The following DLGAP1 variants were observed in gnomAD, a reference collection of about 807,000 sequenced individuals.
DLGAP1 encodes DLG associated protein 1.
In DLGAP1, 11 loss-of-function variants were observed where a neutral mutation model predicts 90.8. The ratio of observed to expected loss-of-function variants is 0.12; its 90% CI spans 0.08 to 0.20. The LOEUF is 0.20. DLGAP1 is among the 10% of genes least tolerant of loss of function. The pLI, the probability that DLGAP1 is intolerant of heterozygous loss-of-function variation, is 1.00. For synonymous variants in DLGAP1, 558 were observed against 540.7 expected (o/e 1.03, Z -0.44); for missense variants, 1,050 against 1,333.8 (o/e 0.79, Z 3.31).
At chr18:4,124,207 T>G (rs2076197543) in intron 2 of DLGAP1, among the ~76,000 whole-genome samples, 1 of 152,184 alleles carries the variant, frequency 6.6e-6, no homozygotes, top group Non-Finnish European at 1.5e-5. Context: ...GAAAAACTTG[T>G]AATATGCTTT....
chr18:4,220,222 C>T (rs917883962), intron 1 of DLGAP1, among the ~76,000 whole-genome samples: 2 of 152,040 alleles, frequency 1.3e-5, no homozygotes, highest in Admixed American at 6.6e-5. Context: ...ATTTTGTATG[C>T]TGTTTTGAAT....
intron 9 of DLGAP1, 49 bp from the exon 10 acceptor site, chr18:3,534,664 T>G (rs1285370763): frequency 8.3e-7 from 1 of 1,207,362 alleles, no homozygotes; most frequent in African/African-American, 1.7e-5. Flanking sequence ...TTTCTTTCTT[T>G]CCTTCCTTCC....
At chr18:4,341,521 A>G (rs1214611482) in intron 1 of DLGAP1, among the ~76,000 whole-genome samples, 2 of 152,142 alleles carry the variant, frequency 1.3e-5, no homozygotes, top group African/African-American at 2.4e-5. Flanking sequence ...AATTTCCTCC[A>G]GAACAGTGGA....
chr18:3,828,179 A>T (rs558347360), intron 4 of DLGAP1, among the ~76,000 whole-genome samples: 1 of 152,230 alleles, frequency 6.6e-6, no homozygotes, highest in Admixed American at 6.5e-5. Context: ...CAAGAGTCAG[A>T]CAAAACACCA....
chr18:3,570,060 T>C (rs1452254295), intron 8 of DLGAP1, among the ~76,000 whole-genome samples: 2 of 152,016 alleles, frequency 1.3e-5, no homozygotes, highest in Non-Finnish European at 2.9e-5. Flanking sequence ...TACAGGTTTA[T>C]AGCCTAGGAG....
chr18:3,577,426 T>C (rs918705123), intron 8 of DLGAP1, among the ~76,000 whole-genome samples: 9 of 152,234 alleles, frequency 5.9e-5, no homozygotes. Flanking sequence ...GATGAGATTT[T>C]AACCAATTCC....
At chr18:3,784,693 CCA>C (rs907941519) in intron 5 of DLGAP1, among the ~76,000 whole-genome samples, 3 of 152,176 alleles carry the variant, frequency 2.0e-5, no homozygotes, top group African/African-American at 7.2e-5. Flanking sequence ...CGTTCCAGGC[CCA>C]GTCTGGATCC....
At chr18:3,566,117 CTAT>C (rs1480018922) in intron 9 of DLGAP1, among the ~76,000 whole-genome samples, 1 of 149,710 alleles carries the variant, frequency 6.7e-6, no homozygotes, top group East Asian at 1.9e-4. Flanking sequence ...CAAAAGCATG[CTAT>C]TATTGGTTAT....
rs116521112 is a variant in DLGAP1, at chr18:3,500,589, A to C, written c.2725-1195T>G. Among the ~76,000 whole-genome samples the C allele has an allele frequency of 3.7e-3, 563 of 152,006 alleles. 5 individuals are homozygous for C. The highest frequency in any genetic ancestry group is 0.013 in the African/African-American group (539 of 41,518). On this transcript the variant is annotated intron_variant, in intron 12 of 12. Coordinates refer to ENST00000315677, the MANE Select transcript of DLGAP1 (RefSeq NM_004746.4). ...GTCTAAGGTGGAGTCTGTGTGGCTT[A>C]AAAGAGAAAAAAGGAGAGCCTGGAG...
At chr18:3,886,632 T>C (rs2071322570) in intron 3 of DLGAP1, among the ~76,000 whole-genome samples, 1 of 152,102 alleles carries the variant, frequency 6.6e-6, no homozygotes, top group African/African-American at 2.4e-5. Context: ...CTTCTAACTC[T>C]CTATCTCTCA....
intron 3 of DLGAP1, among the ~76,000 whole-genome samples, chr18:3,972,209 TA>T (rs11285960): frequency 0.037 from 5,558 of 151,616 alleles, 311 homozygotes; most frequent in African/African-American, 0.12. Flanking sequence ...AAGGCCTATA[TA>T]AAAAAAAATT....
chr18:3,788,352 T>C (rs1273131782), intron 5 of DLGAP1, among the ~76,000 whole-genome samples: 2 of 152,176 alleles, frequency 1.3e-5, no homozygotes, highest in East Asian at 1.9e-4. Context: ...ATAAGCTAGA[T>C]GTTTTTGCCT....
At chr18:3,512,832 G>A (rs1180157210) in intron 10 of DLGAP1, among the ~76,000 whole-genome samples, 3 of 152,192 alleles carry the variant, frequency 2.0e-5, no homozygotes, top group Non-Finnish European at 4.4e-5. Flanking sequence ...TTAAGTGGAA[G>A]CTATCCGAGT....
chr18:3,529,177 C>A (rs1049379607), intron 10 of DLGAP1, among the ~76,000 whole-genome samples: 8 of 152,162 alleles, frequency 5.3e-5, no homozygotes. Context: ...AGACAGGGGG[C>A]CTATAGGAGG....
chr18:4,444,733 G>T (rs1362709858), intron 1 of DLGAP1, among the ~76,000 whole-genome samples: 1 of 152,166 alleles, frequency 6.6e-6, no homozygotes, highest in East Asian at 1.9e-4. Flanking sequence ...ATGGTTGGCA[G>T]ATCGGTTTTT....
At chr18:3,681,815 C>T (rs993820177) in intron 7 of DLGAP1, among the ~76,000 whole-genome samples, 3 of 151,946 alleles carry the variant, frequency 2.0e-5, no homozygotes, top group African/African-American at 7.3e-5. Flanking sequence ...TGAGTGAATT[C>T]GTGTGAGATC....
chr18:4,358,343 G>A (rs76103035), intron 1 of DLGAP1, among the ~76,000 whole-genome samples: 5,523 of 152,036 alleles, frequency 0.036, 334 homozygotes, highest in African/African-American at 0.12. Flanking sequence ...GAGCACAAAT[G>A]TGAATAATGA....
chr18:4,427,591 T>C (rs998264550), intron 1 of DLGAP1, among the ~76,000 whole-genome samples: 4 of 152,114 alleles, frequency 2.6e-5, no homozygotes, highest in Non-Finnish European at 4.4e-5. Context: ...CCATCAAAGA[T>C]AGTAGAACGC....
intron 9 of DLGAP1, 53 bp downstream of exon 9, chr18:3,567,437 T>C (rs2054499779): frequency 6.8e-7 from 1 of 1,475,004 alleles, no homozygotes; most frequent in East Asian, 2.3e-5. Flanking sequence ...AAAAATGCTT[T>C]TACCTTACTT....
Sources: allele counts gnomAD v4.1 joint callset (sites outside exome capture counted in the v4.1 genomes callset), GRCh38; gene constraint gnomAD v4.1.1; transcripts MANE v1.5; gene names NCBI Gene and HGNC (gene_info 2026-07-23, HGNC 2026-07-21).